The following SORCS2 variants were observed in gnomAD, a reference collection of about 807,000 sequenced individuals.
SORCS2 encodes the protein VPS10 domain-containing receptor SorCS2.
Under a neutral mutation model 141.6 loss-of-function variants are expected in SORCS2, and 100 were observed. The observed-to-expected ratio is 0.71, with a 90% CI of 0.60 to 0.83. SORCS2 has a LOEUF of 0.83. Among genes scored for constraint, SORCS2 ranks in the 40% least tolerant of loss-of-function variants. SORCS2 has a pLI of 0.00. For missense variants in SORCS2, 1,646 were observed against 1,560.2 expected (o/e 1.05, Z -0.93); for synonymous variants, 789 against 676.9 (o/e 1.17, Z -2.57).
At chr4:7,219,479 T>C (rs994819531) in intron 1 of SORCS2, among the ~76,000 whole-genome samples, 1 of 152,130 alleles carries the variant, frequency 6.6e-6, no homozygotes, top group Non-Finnish European at 1.5e-5. Flanking sequence ...CTAGGTAATT[T>C]ATAAAGGAAA....
rs182131007 is a variant in SORCS2, at chr4:7,697,369, C to T, written c.1668+95C>T. On this transcript the variant is annotated intron_variant, in intron 12 of 26. Transcript: ENST00000507866. ...TCTGTCATCCCGTCCATTCCAGAGGCTCTGTGGGAGAAGCTCTGAGCCATG... is the reference window on the plus strand; with the variant it reads ...TCTGTCATCCCGTCCATTCCAGAGGTTCTGTGGGAGAAGCTCTGAGCCATG... 1,787 of 1,100,230 alleles carry T rather than the reference C, an allele frequency of 1.6e-3. 3 individuals are homozygous for T. The highest frequency in any genetic ancestry group is 1.8e-3 in the Non-Finnish European group (1,396 of 763,556). 68.2% of individuals were successfully genotyped at this position (1,100,230 alleles called of 1,614,324 possible).
chr4:7,309,075 G>T (rs1718020226), intron 1 of SORCS2, among the ~76,000 whole-genome samples: 1 of 152,180 alleles, frequency 6.6e-6, no homozygotes, highest in South Asian at 2.1e-4. Context: ...TGGTGCCTGG[G>T]TCTAGCACCA....
intron 3 of SORCS2, among the ~76,000 whole-genome samples, chr4:7,595,985 G>T (rs11933482): frequency 6.6e-6 from 1 of 151,960 alleles, no homozygotes; most frequent in African/African-American, 2.4e-5. Flanking sequence ...TCCCCAGCCT[G>T]CATTCCTGCC....
intron 1 of SORCS2, among the ~76,000 whole-genome samples, chr4:7,208,187 A>T (rs547329424): frequency 6.6e-6 from 1 of 151,784 alleles, no homozygotes; most frequent in Non-Finnish European, 1.5e-5. Context: ...ACCCCCTGGG[A>T]CATGCAGAAG....
chr4:7,741,171 T>A lies in SORCS2; in HGVS notation c.*907T>A. The A allele has an allele frequency of 2.5e-6, 1 of 398,576 alleles. No homozygotes were observed. The highest frequency in any genetic ancestry group is 4.4e-6 in the Non-Finnish European group (1 of 226,078). The allele number at this position is 398,576 out of a possible 1,614,324, so 24.7% of individuals were successfully genotyped here. ...GGTGGGTGGTGGAGACGGCACCAGA[T>A]GTACCAGTTTTCTGCAGTTCCTTAT... is the stretch of plus-strand genomic sequence containing the variant. On this transcript the variant is annotated 3_prime_UTR_variant, in exon 27 of 27. Transcript: ENST00000507866.
chr4:7,462,583 C>T (rs1244240709), intron 2 of SORCS2, among the ~76,000 whole-genome samples: 1 of 151,964 alleles, frequency 6.6e-6, no homozygotes, highest in Non-Finnish European at 1.5e-5. Context: ...ACAGTCCAAG[C>T]ATGCGTGGCA....
At chr4:7,468,505 C>A (rs546928905) in intron 2 of SORCS2, among the ~76,000 whole-genome samples, 1 of 152,340 alleles carries the variant, frequency 6.6e-6, no homozygotes, top group Non-Finnish European at 1.5e-5. Context: ...GGTTACTTTC[C>A]TTCTGTGTAA....
At chr4:7,398,065 T>G (rs10000236) in intron 2 of SORCS2, among the ~76,000 whole-genome samples, 28,184 of 152,146 alleles carry the variant, frequency 0.19, 2,886 homozygotes, top group Non-Finnish European at 0.23. Context: ...GTGAAGTGTC[T>G]TCTGAACAGG....
rs1049237811 is a variant in SORCS2 at position 7,664,278 on chromosome 4, G to T, written c.953-75G>T. 51 of 1,206,846 alleles carry T rather than the reference G, an allele frequency of 4.2e-5. No homozygotes were observed. In the African/African-American group the frequency reaches 6.8e-4, roughly 16 times the overall value. The allele number at this position is 1,206,846 out of a possible 1,614,324, so 74.8% of individuals were successfully genotyped here. ...CACAGCGGTATTGGAGGAAGATGGAGTCCAGCACATGTCTCGGGCCGTCTC... is the reference window on the plus strand; with the variant it reads ...CACAGCGGTATTGGAGGAAGATGGATTCCAGCACATGTCTCGGGCCGTCTC... On this transcript the variant is annotated intron_variant, in intron 6 of 26. Coordinates refer to ENST00000507866, the MANE Select transcript of SORCS2 (RefSeq NM_020777.3). This position sits in a 1 kb window ranked among gnomAD's most constrained non-coding sequence, Gnocchi z 4.7.
At chr4:7,356,407 G>A (rs1406260280) in intron 1 of SORCS2, among the ~76,000 whole-genome samples, 1 of 152,196 alleles carries the variant, frequency 6.6e-6, no homozygotes, top group South Asian at 2.1e-4. Flanking sequence ...TTTCTGGTGA[G>A]GGCTCTTTTC....
intron 3 of SORCS2, among the ~76,000 whole-genome samples, chr4:7,616,931 C>G (rs554914449): frequency 6.6e-6 from 1 of 152,282 alleles, no homozygotes; most frequent in East Asian, 1.9e-4. Context: ...TTTGCACAGC[C>G]CCACAAGGCC....
At chr4:7,481,033 T>C (rs1730597703) in intron 2 of SORCS2, among the ~76,000 whole-genome samples, 1 of 152,230 alleles carries the variant, frequency 6.6e-6, no homozygotes. Context: ...GTCCTCCCTT[T>C]TCTTTGAAAT....
chr4:7,625,274 G>T (rs1719443900), intron 3 of SORCS2, among the ~76,000 whole-genome samples: 1 of 152,128 alleles, frequency 6.6e-6, no homozygotes, highest in African/African-American at 2.4e-5. Context: ...GCAGAGGCTG[G>T]ACGCCAGCTC....
In SORCS2 at chr4:7,734,486, G is replaced by C. The variant is rs887610725; in HGVS notation, c.3311+112G>C. The C allele has an allele frequency of 1.3e-5, 9 of 714,862 alleles. No homozygotes were observed. In the South Asian group the frequency reaches 1.4e-4, roughly 11 times the overall value. 44.3% of individuals were successfully genotyped at this position (714,862 alleles called of 1,614,324 possible). On this transcript the variant is annotated intron_variant, in intron 25 of 26. Coordinates refer to ENST00000507866, the MANE Select transcript of SORCS2 (RefSeq NM_020777.3). Reference sequence around the variant, plus strand: ...AGGGCCCCAGCAGGGCCTCAGAAGGGAGTGGTGAGAGTTTGTGCCTGTGAT... The same window carrying C: ...AGGGCCCCAGCAGGGCCTCAGAAGGCAGTGGTGAGAGTTTGTGCCTGTGAT...
intron 1 of SORCS2, among the ~76,000 whole-genome samples, chr4:7,378,304 T>C (rs1024073955): frequency 5.3e-5 from 8 of 152,154 alleles, no homozygotes; most frequent in Admixed American, 1.3e-4. Flanking sequence ...TAAGGCACCT[T>C]TTTGGGGCTC....
At chr4:7,411,438 A>G (rs1577516973) in intron 2 of SORCS2, among the ~76,000 whole-genome samples, 1 of 151,656 alleles carries the variant, frequency 6.6e-6, no homozygotes, top group East Asian at 1.9e-4. Flanking sequence ...TATCTGATCA[A>G]CCATCAATGC....
chr4:7,357,191 G>A (rs568754396), intron 1 of SORCS2, among the ~76,000 whole-genome samples: 7 of 152,250 alleles, frequency 4.6e-5, no homozygotes, highest in African/African-American at 1.2e-4. Context: ...CTCCAGCCAC[G>A]TGTCTCTGAT....
chr4:7,679,688 T>C (rs1723390421), intron 9 of SORCS2, among the ~76,000 whole-genome samples: 1 of 151,056 alleles, frequency 6.6e-6, no homozygotes, highest in Admixed American at 6.6e-5. Flanking sequence ...ACGCCTTGAA[T>C]TTGGACTCTA....
intron 3 of SORCS2, among the ~76,000 whole-genome samples, chr4:7,574,826 A>G (rs1715641925): frequency 6.6e-6 from 1 of 152,188 alleles, no homozygotes; most frequent in African/African-American, 2.4e-5. Context: ...TGCTGTCCCC[A>G]GGGATGACTT....
Sources: allele counts gnomAD v4.1 joint callset (sites outside exome capture counted in the v4.1 genomes callset), GRCh38; gene constraint gnomAD v4.1.1; non-coding constraint Gnocchi (gnomAD v3.1); transcripts MANE v1.5; gene names NCBI Gene and HGNC (gene_info 2026-07-23, HGNC 2026-07-21).